The following FERRY3 variants were observed in gnomAD, a reference collection of about 807,000 sequenced individuals.
The protein encoded by FERRY3 is FERRY endosomal RAB5 effector complex subunit 3.
the FERRY3 span, among the ~76,000 whole-genome samples, chr12:4,497,373 A>G: frequency 1.3e-5 from 2 of 152,136 alleles, no homozygotes; most frequent in African/African-American, 4.8e-5. Context: ...TAACTGACTA[A>G]AAGGGAGGTG....
the FERRY3 span, among the ~76,000 whole-genome samples, chr12:4,537,445 G>A: frequency 1.3e-5 from 2 of 152,168 alleles, no homozygotes; most frequent in Non-Finnish European, 2.9e-5. Flanking sequence ...GTATTAGGCA[G>A]GATGTTGCGA....
chr12:4,508,697 T>C, the FERRY3 span, among the ~76,000 whole-genome samples: 184 of 151,836 alleles, frequency 1.2e-3, 1 homozygote, highest in Non-Finnish European at 2.3e-3. Flanking sequence ...GGGACTGAGA[T>C]CGTGCCACTG....
chr12:4,489,647 T>C, the FERRY3 span: 1 of 503,896 alleles, frequency 2.0e-6, no homozygotes. Flanking sequence ...TTGTGCAGTA[T>C]ATAAATTTTT....
the FERRY3 span, chr12:4,489,148 T>A: frequency 6.6e-6 from 1 of 152,628 alleles, no homozygotes; most frequent in Non-Finnish European, 1.5e-5. Context: ...TATTTCCCAG[T>A]CCATGAAATG....
At chr12:4,523,924 G>C in the FERRY3 span, among the ~76,000 whole-genome samples, 3 of 151,862 alleles carry the variant, frequency 2.0e-5, no homozygotes, top group African/African-American at 7.3e-5. Context: ...AAACCTGCAC[G>C]TTGTGCACAT....
At chr12:4,531,022 C>T in the FERRY3 span, among the ~76,000 whole-genome samples, 7 of 151,040 alleles carry the variant, frequency 4.6e-5, no homozygotes, top group African/African-American at 1.7e-4. Context: ...ATATTAAAAA[C>T]TGGAATTTAT....
the FERRY3 span, among the ~76,000 whole-genome samples, chr12:4,508,679 A>T: frequency 1.7e-4 from 26 of 152,010 alleles, no homozygotes; most frequent in Non-Finnish European, 2.6e-4. Flanking sequence ...CAAGAGGCAG[A>T]GGTTGCAGGG....
chr12:4,500,037 G>T, the FERRY3 span: 1 of 1,178,472 alleles, frequency 8.5e-7, no homozygotes, highest in Non-Finnish European at 1.2e-6. Context: ...AAATCCATTA[G>T]TTTAAAAAAA....
chr12:4,515,145 C>T, the FERRY3 span, among the ~76,000 whole-genome samples: 3 of 152,070 alleles, frequency 2.0e-5, no homozygotes, highest in Non-Finnish European at 1.5e-5. Context: ...AATTACTCTG[C>T]GATTTGAGCC....
At chr12:4,534,432 C>G in the FERRY3 span, 1 of 1,033,498 alleles carries the variant, frequency 9.7e-7, no homozygotes. Flanking sequence ...GATGGGGTCT[C>G]TCTCTCTGTT....
chr12:4,504,710 A>C, the FERRY3 span, among the ~76,000 whole-genome samples: 1,781 of 152,326 alleles, frequency 0.012, 39 homozygotes, highest in African/African-American at 0.04. Context: ...ATAGTGTATA[A>C]GAGAAAATTT....
chr12:4,534,008 A>G, the FERRY3 span: 1 of 768,446 alleles, frequency 1.3e-6, no homozygotes, highest in East Asian at 3.1e-5. Context: ...CTGATATAGG[A>G]AGCACAGAAG....
chr12:4,513,694 T>C, the FERRY3 span, among the ~76,000 whole-genome samples: 440 of 152,286 alleles, frequency 2.9e-3, 3 homozygotes, highest in African/African-American at 1.0e-2. Context: ...TAGCCATATG[T>C]AGAAAGCTGA....
chr12:4,537,969 A>G, the FERRY3 span, among the ~76,000 whole-genome samples: 3 of 152,158 alleles, frequency 2.0e-5, no homozygotes, highest in Non-Finnish European at 4.4e-5. Flanking sequence ...AAACTTGTTT[A>G]TTTTATGAGA....
the FERRY3 span, chr12:4,529,817 T>C: frequency 7.1e-7 from 1 of 1,408,330 alleles, no homozygotes; most frequent in Non-Finnish European, 9.6e-7. Flanking sequence ...CTGCAGGCCA[T>C]CTATTTGACA....
chr12:4,530,607 A>G, the FERRY3 span, among the ~76,000 whole-genome samples: 2 of 152,222 alleles, frequency 1.3e-5, no homozygotes, highest in African/African-American at 4.8e-5. Context: ...ATGCATACCT[A>G]TATCAAGATA....
At chr12:4,505,164 T>C in the FERRY3 span, 2 of 640,536 alleles carry the variant, frequency 3.1e-6, no homozygotes, top group East Asian at 2.8e-5. Flanking sequence ...AAGTGTATTA[T>C]ATAGGTACAA....
At chr12:4,527,391 C>T in the FERRY3 span, among the ~76,000 whole-genome samples, 7 of 152,030 alleles carry the variant, frequency 4.6e-5, no homozygotes, top group African/African-American at 7.2e-5. Context: ...AATTTTATTA[C>T]GTCTCAGATG....
At chr12:4,501,959 T>C in the FERRY3 span, among the ~76,000 whole-genome samples, 86 of 152,294 alleles carry the variant, frequency 5.6e-4, no homozygotes, top group Non-Finnish European at 2.5e-4. Context: ...TCTCACTCTT[T>C]CCTCACTCCA....
Sources: allele counts gnomAD v4.1 joint callset (sites outside exome capture counted in the v4.1 genomes callset), GRCh38; gene constraint gnomAD v4.1.1; transcripts MANE v1.5; gene names NCBI Gene and HGNC (gene_info 2026-07-23, HGNC 2026-07-21).